Variants in SHROOM3 observed in about 807,000 individuals in gnomAD.
SHROOM3 encodes protein Shroom3.
SHROOM3 carries 47 observed loss-of-function variants against 138.6 expected under a neutral mutation model. The ratio of observed to expected loss-of-function variants is 0.34; its 90% CI spans 0.27 to 0.43. The LOEUF (loss-of-function observed/expected upper bound fraction) is 0.43, where lower values mean the gene tolerates loss of function less well. SHROOM3 is among the 20% of genes least tolerant of loss of function. SHROOM3 has a pLI of 1.00. For missense variants in SHROOM3, 2,491 were observed against 2,596.5 expected (o/e 0.96, Z 0.88); for synonymous variants, 1,062 against 1,063.3 (o/e 1.00, Z 0.02).
chr4:76,732,840 G>A (rs911886820), intron 4 of SHROOM3, among the ~76,000 whole-genome samples: 2 of 152,148 alleles, frequency 1.3e-5, no homozygotes, highest in African/African-American at 4.8e-5. Flanking sequence ...TTCCTTTTCT[G>A]TAAAATAACT....
intron 2 of SHROOM3, among the ~76,000 whole-genome samples, chr4:76,569,149 T>C (rs1317144824): frequency 6.6e-6 from 1 of 152,230 alleles, no homozygotes; most frequent in Non-Finnish European, 1.5e-5. Context: ...CTGTTAGCTG[T>C]TTTATGAGTA....
chr4:76,655,343 A>G (rs1297684276), intron 2 of SHROOM3, among the ~76,000 whole-genome samples: 4 of 152,182 alleles, frequency 2.6e-5, no homozygotes, highest in African/African-American at 7.2e-5. Context: ...ACACAGGTAT[A>G]GCAAATACTT....
intron 2 of SHROOM3, among the ~76,000 whole-genome samples, chr4:76,636,958 T>C (rs560045529): frequency 6.6e-6 from 1 of 152,368 alleles, no homozygotes; most frequent in African/African-American, 2.4e-5. Flanking sequence ...TTGGTCGTTA[T>C]TTAGAAGTTT....
At chr4:76,678,724 G>A (rs544227213) in intron 2 of SHROOM3, among the ~76,000 whole-genome samples, 3 of 152,114 alleles carry the variant, frequency 2.0e-5, no homozygotes, top group African/African-American at 7.2e-5. Flanking sequence ...GCAATGGCGC[G>A]ATCCTGGCTC....
At chr4:76,736,720 C>T (rs1295079838) in intron 4 of SHROOM3, among the ~76,000 whole-genome samples, 1 of 152,184 alleles carries the variant, frequency 6.6e-6, no homozygotes, top group Non-Finnish European at 1.5e-5. Context: ...CTTATTCCTT[C>T]ATATATGCCC....
chr4:76,698,436 T>G (rs1324770406), intron 2 of SHROOM3, among the ~76,000 whole-genome samples: 1 of 152,076 alleles, frequency 6.6e-6, no homozygotes, highest in Non-Finnish European at 1.5e-5. Context: ...AATGACAATC[T>G]CCATTTACAT....
chr4:76,660,462 A>AT (rs1198594298), intron 2 of SHROOM3, among the ~76,000 whole-genome samples: 8 of 151,998 alleles, frequency 5.3e-5, no homozygotes, highest in Admixed American at 3.3e-4. Context: ...TGGTTGCATT[A>AT]TTTTTTATAT....
In SHROOM3 at chr4:76,779,630, T is replaced by C. The variant is rs1233318069; in HGVS notation, c.*453T>C. On this transcript the variant is annotated 3_prime_UTR_variant, in exon 11 of 11. Transcript: ENST00000296043. ...TTAAAAAGACACACACTAAGAAAAC[T>C]GTAAAACCTTGAACATTGTTATTTA... The C allele has an allele frequency of 1.3e-5, 2 of 158,372 alleles. No homozygotes were observed. Among genetic ancestry groups the C allele is most frequent in the Non-Finnish European group, 2.8e-5 (2 of 71,294 alleles). The allele number at this position is 158,372 out of a possible 1,614,324, so 9.8% of individuals were successfully genotyped here.
At chr4:76,450,365 A>T (rs1189368995) in intron 1 of SHROOM3, among the ~76,000 whole-genome samples, 2 of 152,182 alleles carry the variant, frequency 1.3e-5, no homozygotes, top group Non-Finnish European at 2.9e-5. Flanking sequence ...TTACCATATC[A>T]CCCAACAGTT....
chr4:76,732,597 C>G (rs1720919979), intron 4 of SHROOM3, among the ~76,000 whole-genome samples: 1 of 152,238 alleles, frequency 6.6e-6, no homozygotes, highest in Non-Finnish European at 1.5e-5. Context: ...CATCTGTTCT[C>G]AGAGAGCAGG....
At chr4:76,588,122 ACTT>A (rs1311091031) in intron 2 of SHROOM3, among the ~76,000 whole-genome samples, 1 of 152,104 alleles carries the variant, frequency 6.6e-6, no homozygotes, top group Non-Finnish European at 1.5e-5. Flanking sequence ...TGGTTGAAAA[ACTT>A]CTTAACAATA....
Position 76,517,635 on chromosome 4 carries a change from AT to A in SHROOM3, c.169-37973del, listed in dbSNP as rs751213207. ...TTGTTTGTTTGGTATATATATATAT[AT>A]ATATAAAGGGGATGTTAGGGCTGTA... is the stretch of plus-strand genomic sequence containing the variant. On this transcript the variant is annotated intron_variant, in intron 1 of 10. Coordinates refer to ENST00000296043, the MANE Select transcript of SHROOM3 (RefSeq NM_020859.4). Among the ~76,000 whole-genome samples, 827 of 151,554 alleles carry A rather than the reference AT, an allele frequency of 5.5e-3. 8 individuals carry two copies. Among genetic ancestry groups the A allele is most frequent in the African/African-American group, 0.019 (786 of 41,408 alleles).
intron 1 of SHROOM3, among the ~76,000 whole-genome samples, chr4:76,546,143 A>G (rs941962729): frequency 4.6e-5 from 7 of 152,318 alleles, no homozygotes; most frequent in Admixed American, 4.6e-4. Flanking sequence ...TCTTATAGTA[A>G]TGCAGAGCAA....
intron 1 of SHROOM3, among the ~76,000 whole-genome samples, chr4:76,520,968 C>A (rs1382695391): frequency 6.6e-6 from 1 of 152,220 alleles, no homozygotes; most frequent in Non-Finnish European, 1.5e-5. Context: ...GTATGAGAAT[C>A]ATAGTCTTCT....
intron 2 of SHROOM3, among the ~76,000 whole-genome samples, chr4:76,680,352 G>A (rs538927097): frequency 1.3e-5 from 2 of 152,238 alleles, no homozygotes; most frequent in Admixed American, 1.3e-4. Flanking sequence ...TGTTAGCCAG[G>A]TTGGTCTTGA....
intron 2 of SHROOM3, among the ~76,000 whole-genome samples, chr4:76,579,920 T>C (rs1265005857): frequency 6.6e-6 from 1 of 152,224 alleles, no homozygotes; most frequent in Non-Finnish European, 1.5e-5. Context: ...CAAGCATTCA[T>C]GAAATGCTTG....
chr4:76,757,689 C>T (rs748278891), intron 8 of SHROOM3, among the ~76,000 whole-genome samples: 4 of 152,218 alleles, frequency 2.6e-5, no homozygotes, highest in African/African-American at 4.8e-5. Context: ...AGTCCGTGAG[C>T]CTCTGCTTCT....
At chr4:76,769,137 A>C (rs1320977048) in intron 9 of SHROOM3, among the ~76,000 whole-genome samples, 2 of 151,624 alleles carry the variant, frequency 1.3e-5, no homozygotes, top group African/African-American at 4.8e-5. Flanking sequence ...TTTTCCTTTA[A>C]AATGAACATA....
chr4:76,762,184 T>G (rs894508832), intron 9 of SHROOM3, among the ~76,000 whole-genome samples: 1 of 152,238 alleles, frequency 6.6e-6, no homozygotes, highest in African/African-American at 2.4e-5. Flanking sequence ...GAAGTGGTAA[T>G]GATCTCTCAC....
Sources: allele counts gnomAD v4.1 joint callset (sites outside exome capture counted in the v4.1 genomes callset), GRCh38; gene constraint gnomAD v4.1.1; transcripts MANE v1.5; gene names NCBI Gene and HGNC (gene_info 2026-07-23, HGNC 2026-07-21).